The following DOCK11 variants were observed in gnomAD, a reference collection of about 807,000 sequenced individuals.
The protein encoded by DOCK11 is dedicator of cytokinesis protein 11.
A neutral mutation model predicts 169.1 loss-of-function variants in DOCK11; 70 were observed. The ratio of observed to expected loss-of-function variants is 0.41; its 90% confidence interval spans 0.34 to 0.51. The LOEUF is 0.51. Among genes scored for constraint, DOCK11 ranks in the 20% least tolerant of loss-of-function variants. The pLI is 0.10. For synonymous variants in DOCK11, 529 were observed against 541.3 expected (o/e 0.98, Z 0.32); for missense variants, 1,166 against 1,538.8 (o/e 0.76, Z 4.05).
chrX:118,652,197 T>A, intron 42 of DOCK11, 120 bp downstream of exon 42: 1 of 463,033 alleles, frequency 2.2e-6, no homozygotes, highest in Non-Finnish European at 3.7e-6. Flanking sequence ...ATGTGAGTTT[T>A]ATGAGTTAAG....
rs1199563094 is a variant in DOCK11, at chrX:118,685,979, G to A, written c.*172G>A. 11 of 571,764 alleles carry A rather than the reference G, an allele frequency of 1.9e-5. No homozygotes were observed. Among genetic ancestry groups the A allele is most frequent in the South Asian group, 5.3e-5 (1 of 18,732 alleles). The allele number at this position is 571,764 out of a possible 1,213,427, so 47.1% of individuals were successfully genotyped here. A position where few individuals can be genotyped will look rare whatever the true frequency, so the allele number is the denominator to read the frequency against. ...ATTTGTAAATAAGCAACTTGAAAGT[G>A]CCTGGAAAATTGCACCACTGTGCTT... On this transcript the variant is annotated 3_prime_UTR_variant, in exon 53 of 53. Transcript: ENST00000276202.
chrX:118,663,197 C>T, intron 45 of DOCK11, among the ~76,000 whole-genome samples: 1 of 112,246 alleles, frequency 8.9e-6, no homozygotes, highest in Admixed American at 9.4e-5. Context: ...CAGTCAACCA[C>T]CAAAGATTTA....
chrX:118,561,964 G>A (rs777990389), intron 7 of DOCK11, among the ~76,000 whole-genome samples: 72 of 109,920 alleles, frequency 6.6e-4, no homozygotes, highest in African/African-American at 2.2e-3. Context: ...TCAGGAGTTC[G>A]AGACTAGCCT....
At chrX:118,644,480 A>C (rs1352310722) in intron 40 of DOCK11, among the ~76,000 whole-genome samples, 1 of 111,975 alleles carries the variant, frequency 8.9e-6, no homozygotes, top group Admixed American at 9.5e-5. Flanking sequence ...ATGTTACAAA[A>C]ACTAAGGGAA....
rs776438438 is a variant in DOCK11 at position 118,588,325 on chromosome X, A to G, written c.1980+4A>G. 1 of 1,164,129 alleles carries G rather than the reference A, an allele frequency of 8.6e-7. No individual in the cohort carries two copies. Among genetic ancestry groups the G allele is most frequent in the Admixed American group, 2.6e-5 (1 of 38,571 alleles). On this transcript the variant is annotated splice_donor_region_variant and intron_variant, in intron 17 of 52. Coordinates refer to ENST00000276202, the MANE Select transcript of DOCK11 (RefSeq NM_144658.4). ...TAGCCAGAAAACATTTGCCAAGGTA[A>G]CCATGTAAACTATACATTTTTGGAG...
rs745946789 is a variant in DOCK11 at position 118,608,058 on chromosome X, G to A, written c.2682-14G>A. 8.5e-7 allele frequency: 1 copy of A among 1,180,264 alleles called. No individual in the cohort carries two copies. Among genetic ancestry groups the A allele is most frequent in the South Asian group, 1.9e-5 (1 of 53,132 alleles). ...TATAGCATGACATGCTGACTCTTGT[G>A]AATGTCGTTTCAGGGTTCTCTTACA... On this transcript the variant is annotated splice_polypyrimidine_tract_variant and intron_variant, in intron 24 of 52. Transcript: ENST00000276202.
chrX:118,500,197 C>T (rs993868641), intron 1 of DOCK11, among the ~76,000 whole-genome samples: 3 of 109,707 alleles, frequency 2.7e-5, no homozygotes, highest in Non-Finnish European at 3.8e-5. Flanking sequence ...TACAGGCGCC[C>T]GCCGCCACGC....
intron 41 of DOCK11, among the ~76,000 whole-genome samples, chrX:118,650,374 G>A (rs1483083959): frequency 1.8e-5 from 2 of 111,795 alleles, no homozygotes; most frequent in Non-Finnish European, 1.9e-5. Flanking sequence ...CCACAATTGG[G>A]ACTGCTTGAC....
intron 1 of DOCK11, among the ~76,000 whole-genome samples, chrX:118,520,450 T>C (rs2057715269): frequency 8.9e-6 from 1 of 112,754 alleles, no homozygotes; most frequent in Non-Finnish European, 1.9e-5. Context: ...TTATGGTTGC[T>C]TTCCCCTCAA....
chrX:118,647,852 TATA>T (rs1358660955), intron 40 of DOCK11, among the ~76,000 whole-genome samples: 12 of 54,465 alleles, frequency 2.2e-4, no homozygotes, highest in Admixed American at 3.7e-4. Context: ...TATATTATAA[TATA>T]ATATTTAATA....
Position 118,606,565 on chromosome X carries a change from T to C in DOCK11, c.2681+1209T>C, listed in dbSNP as rs1356511681. 2.7e-5 allele frequency among the ~76,000 whole-genome samples: 3 copies of C among 112,118 alleles called. No individual in the cohort carries two copies. In the Admixed American group the frequency reaches 2.8e-4, roughly 11 times the overall value. On this transcript the variant is annotated intron_variant, in intron 24 of 52. Coordinates refer to ENST00000276202, the MANE Select transcript of DOCK11 (RefSeq NM_144658.4). ...TGCAAAATGCACCTGAATTTTGAAA[T>C]CAAAACAGGGTACTTAAATTGTGGG... is the stretch of plus-strand genomic sequence containing the variant.
chrX:118,614,594 G>C, intron 28 of DOCK11, 98 bp from the exon 29 acceptor site: 1 of 610,658 alleles, frequency 1.6e-6, no homozygotes, highest in South Asian at 2.7e-5. Flanking sequence ...CTTTCTTTTT[G>C]TGTGGAACCA....
At position 118,624,541 on chromosome X, in the gene DOCK11, C is replaced by T. The variant is rs749895837; in HGVS notation, c.3474C>T (p.Asn1158=). Residue 1158 remains asparagine, a splice_region_variant and synonymous_variant, in exon 32 of 53, where the codon AAC becomes AAT. Coordinates refer to ENST00000276202, the MANE Select transcript of DOCK11 (RefSeq NM_144658.4). ...HAFDTRYQHK[N]QQAKIAQLYL... is the part of the protein sequence containing the mutation. ...AGCTTTCAATAATTATTTTTCAGAA[C>T]CAACAAGCCAAAATAGCACAATTGT... 30 of 1,182,044 alleles carry T rather than the reference C, an allele frequency of 2.5e-5. No individual in the cohort carries two copies.
At chrX:118,557,355 G>A (rs1218016382) in intron 6 of DOCK11, among the ~76,000 whole-genome samples, 1 of 111,590 alleles carries the variant, frequency 9.0e-6, no homozygotes, top group Non-Finnish European at 1.9e-5. Flanking sequence ...TGTGTGGATA[G>A]TGAGGAAAGA....
chrX:118,587,890 G>A (rs193161211), intron 16 of DOCK11, among the ~76,000 whole-genome samples: 1 of 111,910 alleles, frequency 8.9e-6, no homozygotes, highest in Non-Finnish European at 1.9e-5. Flanking sequence ...CAAATCACTC[G>A]ACATTGAGAA....
chrX:118,590,817 G>A (rs962602867), intron 19 of DOCK11, among the ~76,000 whole-genome samples: 19 of 111,820 alleles, frequency 1.7e-4, no homozygotes, highest in Non-Finnish European at 9.4e-5. Context: ...AGCACATAAA[G>A]GGGTATGGTT....
intron 23 of DOCK11, 59 bp from the exon 24 acceptor site, chrX:118,605,179 A>G (rs2014462854): frequency 1.2e-6 from 1 of 857,320 alleles, no homozygotes; most frequent in Admixed American, 3.3e-5. Flanking sequence ...GCTGTTTCAC[A>G]TTTGCAAATT....
At chrX:118,594,835 T>A (rs938704157) in intron 20 of DOCK11, among the ~76,000 whole-genome samples, 2 of 109,837 alleles carry the variant, frequency 1.8e-5, no homozygotes, top group Non-Finnish European at 3.8e-5. Flanking sequence ...AAGGGTTGGG[T>A]GGGGTTTGAT....
At chrX:118,677,908 G>T (rs754076070) in intron 48 of DOCK11, among the ~76,000 whole-genome samples, 2 of 111,824 alleles carry the variant, frequency 1.8e-5, no homozygotes, top group Admixed American at 9.5e-5. Context: ...TGAAAAGTCA[G>T]ACTTTCTGTG....
Sources: gnomAD v4.1 joint callset for allele counts (sites outside exome capture counted in the v4.1 genomes callset) on GRCh38, gnomAD v4.1.1 for gene constraint, MANE v1.5 for transcripts, NCBI Gene and HGNC (gene_info 2026-07-23, HGNC 2026-07-21) for gene names.